NEDD4L: variants seen among roughly 807,000 people sequenced by gnomAD.
NEDD4L encodes NEDD4 like E3 ubiquitin protein ligase.
NEDD4L carries 54 observed loss-of-function variants against 148.9 expected under a neutral mutation model. The observed-to-expected ratio is 0.36, with a 90% CI of 0.29 to 0.45. The LOEUF is 0.45. NEDD4L is among the 20% of genes least tolerant of loss of function. The pLI is 1.00. For missense variants in NEDD4L, 856 were observed against 1,233.8 expected (o/e 0.69, Z 4.59); for synonymous variants, 433 against 440.7 (o/e 0.98, Z 0.22).
rs189387578 is a variant in NEDD4L, at chr18:58,256,058, A to C, written c.297+4004A>C. 1 of 1,229,020 alleles carries C rather than the reference A, an allele frequency of 8.1e-7. No individual in the cohort carries two copies. Among genetic ancestry groups the C allele is most frequent in the Non-Finnish European group, 1.0e-6 (1 of 986,288 alleles). The allele number at this position is 1,229,020 out of a possible 1,614,324, so 76.1% of individuals were successfully genotyped here. A position where few individuals can be genotyped will look rare whatever the true frequency, so the allele number is the denominator to read the frequency against. On this transcript the variant is annotated intron_variant, in intron 5 of 30. Transcript: ENST00000400345. The surrounding 1 kb of genome is among the most constrained non-coding windows in gnomAD (Gnocchi z 5.2). Reference sequence around the variant, plus strand: ...TGCCACCACGAGGGCCTCGCCCCAGAGTGGCTCCCGGGAGCCCTCGCCGAG... The same window carrying C: ...TGCCACCACGAGGGCCTCGCCCCAGCGTGGCTCCCGGGAGCCCTCGCCGAG...
intron 2 of NEDD4L, among the ~76,000 whole-genome samples, chr18:58,186,649 T>C (rs1223525671): frequency 2.6e-5 from 4 of 152,234 alleles, no homozygotes; most frequent in Admixed American, 6.5e-5. Context: ...AGGATTATTA[T>C]TGGCATTTTC....
At chr18:58,068,759 G>A (rs565532684) in intron 1 of NEDD4L, among the ~76,000 whole-genome samples, 12 of 152,186 alleles carry the variant, frequency 7.9e-5, no homozygotes, top group Non-Finnish European at 1.8e-4. Flanking sequence ...GGTGGCCATG[G>A]CTCAGCCTTG....
chr18:58,084,144 A>G (rs11152057), intron 1 of NEDD4L, among the ~76,000 whole-genome samples: 25 of 152,324 alleles, frequency 1.6e-4, no homozygotes, highest in Admixed American at 7.2e-4. Flanking sequence ...AAAAGACCAC[A>G]TATTGTGTGA....
At position 58,397,182 on chromosome 18, in the gene NEDD4L, A is replaced by T. The variant is rs1430192955; in HGVS notation, c.*913A>T. 6.6e-6 allele frequency: 1 copy of T among 152,582 alleles called. No individual in the cohort carries two copies. The highest frequency in any genetic ancestry group is 1.5e-5 in the Non-Finnish European group (1 of 68,026). 9.5% of individuals were successfully genotyped at this position (152,582 alleles called of 1,614,324 possible). A position where few individuals can be genotyped will look rare whatever the true frequency, so the allele number is the denominator to read the frequency against. On this transcript the variant is annotated 3_prime_UTR_variant, in exon 31 of 31. Coordinates refer to ENST00000400345, the MANE Select transcript of NEDD4L (RefSeq NM_001144967.3). ...TTCCTCTTTGCTGTTTGTAGTAGAG[A>T]CATTTTGAATGAAACTTGGCACTGC...
intron 2 of NEDD4L, among the ~76,000 whole-genome samples, chr18:58,178,789 T>C (rs1162037709): frequency 6.6e-6 from 1 of 152,252 alleles, no homozygotes; most frequent in Non-Finnish European, 1.5e-5. Context: ...GTCATTGTTA[T>C]AGGCATGTTA....
At chr18:58,064,404 T>C (rs2082498302) in intron 1 of NEDD4L, among the ~76,000 whole-genome samples, 1 of 151,960 alleles carries the variant, frequency 6.6e-6, no homozygotes, top group African/African-American at 2.4e-5. Flanking sequence ...CCATTCAAAT[T>C]AATAGCATGA....
intron 1 of NEDD4L, among the ~76,000 whole-genome samples, chr18:58,086,966 G>A (rs2083790821): frequency 2.6e-5 from 4 of 152,184 alleles, no homozygotes; most frequent in Admixed American, 2.0e-4. Context: ...AACCTGATGA[G>A]GTTCTGCTGG....
chr18:58,315,205 G>A (rs2058130516), intron 5 of NEDD4L, among the ~76,000 whole-genome samples: 1 of 152,154 alleles, frequency 6.6e-6, no homozygotes, highest in African/African-American at 2.4e-5. Context: ...CAGAGGCCAT[G>A]CCACAAGCAC....
At chr18:58,158,322 A>G (rs924537863) in intron 1 of NEDD4L, among the ~76,000 whole-genome samples, 9 of 152,214 alleles carry the variant, frequency 5.9e-5, no homozygotes, top group Non-Finnish European at 1.0e-4. Context: ...AAAGTCACAC[A>G]CTGTCACCTC....
Position 58,370,949 on chromosome 18 carries a change from G to A in NEDD4L, c.2256+482G>A, listed in dbSNP as rs546833983. On this transcript the variant is annotated intron_variant, in intron 23 of 30. Coordinates refer to ENST00000400345, the MANE Select transcript of NEDD4L (RefSeq NM_001144967.3). ...GCTCAGGCAAGTGAACACTTGAGAC[G>A]TTCTCCAAGTAGTGATTTGGGTTTT... Among the ~76,000 whole-genome samples the A allele has an allele frequency of 5.4e-4, 83 of 152,342 alleles. 1 individual carries two copies. The highest frequency in any genetic ancestry group is 4.2e-3 in the Admixed American group (65 of 15,308).
At chr18:58,349,733 TTG>T in intron 17 of NEDD4L, 119 bp downstream of exon 17, 2 of 767,724 alleles carry the variant, frequency 2.6e-6, no homozygotes, top group South Asian at 3.4e-5. Context: ...TCTCATTGGT[TTG>T]TGTTTCTTAA....
At chr18:58,245,625 C>T in intron 3 of NEDD4L, 117 bp downstream of exon 3, 2 of 492,284 alleles carry the variant, frequency 4.1e-6, no homozygotes, top group Non-Finnish European at 7.4e-6. Flanking sequence ...CAGTGATAGT[C>T]CCGTGAGATT....
intron 5 of NEDD4L, among the ~76,000 whole-genome samples, chr18:58,292,746 A>T (rs558594171): frequency 3.3e-5 from 5 of 152,374 alleles, no homozygotes; most frequent in Admixed American, 1.3e-4. Flanking sequence ...TGTTGAATGA[A>T]TGAGCTTATT....
At chr18:58,063,210 T>A (rs1258964844) in intron 1 of NEDD4L, among the ~76,000 whole-genome samples, 5 of 151,606 alleles carry the variant, frequency 3.3e-5, no homozygotes, top group Non-Finnish European at 4.4e-5. Context: ...CATGCCTGGC[T>A]AATTTTTTAT....
rs2059178368 is a variant in NEDD4L, at chr18:58,324,927, G to C, written c.514-69G>C. ...GCAAGGAGAAGGGCATGCAGGGCAT[G>C]CTGTGATGACCTCTTACTCACAGCC... On this transcript the variant is annotated intron_variant, in intron 8 of 30. Transcript: ENST00000400345. 6 of 1,415,840 alleles carry C rather than the reference G, an allele frequency of 4.2e-6. No individual in the cohort carries two copies. In the Admixed American group the frequency reaches 9.0e-5, roughly 21 times the overall value. The allele number at this position is 1,415,840 out of a possible 1,614,324, so 87.7% of individuals were successfully genotyped here. A position where few individuals can be genotyped will look rare whatever the true frequency, so the allele number is the denominator to read the frequency against.
intron 10 of NEDD4L, 73 bp downstream of exon 10, chr18:58,329,200 A>G: frequency 6.7e-7 from 1 of 1,494,210 alleles, no homozygotes; most frequent in Non-Finnish European, 9.2e-7. Flanking sequence ...ATTTTATATC[A>G]TAATTTCTTC....
intron 5 of NEDD4L, among the ~76,000 whole-genome samples, chr18:58,309,000 C>T (rs952208913): frequency 1.3e-5 from 2 of 152,234 alleles, no homozygotes; most frequent in African/African-American, 4.8e-5. Context: ...TCACGCTGTC[C>T]TCAGCGCTGT....
At chr18:58,107,816 G>T (rs1425272625) in intron 1 of NEDD4L, among the ~76,000 whole-genome samples, 2 of 151,974 alleles carry the variant, frequency 1.3e-5, no homozygotes, top group Non-Finnish European at 2.9e-5. Context: ...AGGCTCATAT[G>T]ATCCTCCCAT....
intron 1 of NEDD4L, among the ~76,000 whole-genome samples, chr18:58,116,773 C>G (rs2085869812): frequency 6.6e-6 from 1 of 152,248 alleles, no homozygotes; most frequent in South Asian, 2.1e-4. Flanking sequence ...TCCCCCATGC[C>G]CACCCTGGTG....
Sources: gnomAD v4.1 joint callset for allele counts (sites outside exome capture counted in the v4.1 genomes callset) on GRCh38, gnomAD v4.1.1 for gene constraint, Gnocchi (gnomAD v3.1) non-coding constraint, MANE v1.5 for transcripts, NCBI Gene and HGNC (gene_info 2026-07-23, HGNC 2026-07-21) for gene names.